RGL1: variants seen among roughly 807,000 people sequenced by gnomAD.
RGL1 encodes ral guanine nucleotide dissociation stimulator like 1, also known as ral guanine nucleotide dissociation stimulator-like 1.
RGL1 carries 24 observed loss-of-function variants against 95.2 expected under a neutral mutation model. The observed-to-expected ratio is 0.25, with a 90% CI of 0.18 to 0.35. The LOEUF (loss-of-function observed/expected upper bound fraction) is 0.35, where lower values mean the gene tolerates loss of function less well. RGL1 is among the 10% of genes least tolerant of loss of function. RGL1 has a pLI of 1.00. For synonymous variants in RGL1, 329 were observed against 344.9 expected (o/e 0.95, Z 0.51); for missense variants, 715 against 936.3 (o/e 0.76, Z 3.08).
chr1:183,751,242 C>G (rs1558187549), intron 2 of RGL1, among the ~76,000 whole-genome samples: 1 of 152,226 alleles, frequency 6.6e-6, no homozygotes, highest in African/African-American at 2.4e-5. Context: ...TGCTGCCTTT[C>G]TTTCAGAGAT....
At chr1:183,669,036 G>C (rs547016281) in intron 1 of RGL1, among the ~76,000 whole-genome samples, 1 of 145,566 alleles carries the variant, frequency 6.9e-6, no homozygotes, top group East Asian at 2.1e-4. Flanking sequence ...TCCGCCTCCC[G>C]GGTTCAAGTG....
At chr1:183,737,059 TCAAA>T (rs975641759) in intron 1 of RGL1, among the ~76,000 whole-genome samples, 4 of 152,178 alleles carry the variant, frequency 2.6e-5, no homozygotes, top group African/African-American at 9.6e-5. Flanking sequence ...AAATGATGTA[TCAAA>T]CAAAGTTCAG....
chr1:183,902,386 T>C lies in RGL1; in HGVS notation c.1318-182T>C, dbSNP rs190429515. Among the ~76,000 whole-genome samples the C allele has an allele frequency of 2.4e-3, 372 of 152,324 alleles. 2 individuals are homozygous for C. The highest frequency in any genetic ancestry group is 8.1e-3 in the African/African-American group (336 of 41,578). On this transcript the variant is annotated intron_variant, in intron 11 of 17. Transcript: ENST00000360851. ...AAGGCTTTCTGCTTATCCTGCCTTA[T>C]AATAATACTTTTTTTAAAAGCAAAA...
chr1:183,851,181 A>T (rs1664805150), intron 3 of RGL1, among the ~76,000 whole-genome samples: 1 of 152,162 alleles, frequency 6.6e-6, no homozygotes, highest in Non-Finnish European at 1.5e-5. Context: ...GTTAGGATTT[A>T]TTTTTTTACC....
chr1:183,715,975 A>G (rs1655601959), intron 1 of RGL1, among the ~76,000 whole-genome samples: 1 of 152,196 alleles, frequency 6.6e-6, no homozygotes, highest in Non-Finnish European at 1.5e-5. Context: ...AAGACAGAAG[A>G]CTAATGTTCC....
chr1:183,653,697 C>T (rs1477415400), intron 1 of RGL1, among the ~76,000 whole-genome samples: 2 of 152,190 alleles, frequency 1.3e-5, no homozygotes, highest in Non-Finnish European at 2.9e-5. Flanking sequence ...GTTTTTGATT[C>T]TGTCTAAACC....
chr1:183,672,803 A>G (rs1222821576), intron 1 of RGL1, among the ~76,000 whole-genome samples: 1 of 152,224 alleles, frequency 6.6e-6, no homozygotes, highest in Admixed American at 6.6e-5. Flanking sequence ...TGAGTGTGGT[A>G]AAATTTTATT....
chr1:183,741,675 A>G (rs1657314517), intron 1 of RGL1, among the ~76,000 whole-genome samples: 1 of 152,242 alleles, frequency 6.6e-6, no homozygotes, highest in Non-Finnish European at 1.5e-5. Flanking sequence ...TATGCCTAGC[A>G]TGGAGCCTCA....
intron 1 of RGL1, among the ~76,000 whole-genome samples, chr1:183,672,223 G>A (rs1271294868): frequency 6.6e-6 from 1 of 152,074 alleles, no homozygotes; most frequent in Non-Finnish European, 1.5e-5. Context: ...ATGAGCCATG[G>A]CGCCCAGCCC....
rs1477504929 is a variant in RGL1 at position 183,787,287 on chromosome 1, C to A, written c.133-19088C>A. Reference sequence around the variant, plus strand: ...ATTGCTTCACTAAACCCCAGCCCTACCACCTTAAAACTCTACTCACATTTT... The same window carrying A: ...ATTGCTTCACTAAACCCCAGCCCTAACACCTTAAAACTCTACTCACATTTT... On this transcript the variant is annotated intron_variant, in intron 2 of 18. Coordinates refer to the RGL1 transcript ENST00000304685. 2.6e-5 allele frequency among the ~76,000 whole-genome samples: 4 copies of A among 152,328 alleles called. No individual in the cohort carries two copies. The South Asian group carries it at 6.2e-4, about 24-fold the overall frequency.
chr1:183,647,813 A>T (rs1223715315), intron 1 of RGL1: 1 of 1,613,944 alleles, frequency 6.2e-7, no homozygotes, highest in Non-Finnish European at 8.5e-7. Flanking sequence ...ATGACATTTG[A>T]GGCATATTTA....
chr1:183,862,470 A>G (rs989916104), intron 3 of RGL1, among the ~76,000 whole-genome samples: 1 of 152,258 alleles, frequency 6.6e-6, no homozygotes, highest in African/African-American at 2.4e-5. Flanking sequence ...TCTCACTTCT[A>G]AAAGACTTCT....
chr1:183,773,878 G>A (rs1461994975), intron 2 of RGL1, among the ~76,000 whole-genome samples: 1 of 151,978 alleles, frequency 6.6e-6, no homozygotes, highest in Non-Finnish European at 1.5e-5. Flanking sequence ...ACATTGTGAT[G>A]GAAGAATCAT....
chr1:183,922,901 C>T (rs1669394870), intron 17 of RGL1, among the ~76,000 whole-genome samples: 1 of 152,138 alleles, frequency 6.6e-6, no homozygotes. Context: ...CTTCAATATG[C>T]CTGGGAACAT....
chr1:183,847,724 G>A lies in RGL1; in HGVS notation c.297G>A (p.Thr99=), dbSNP rs376059867. ...CCTATATCAGCATCTTTCTTTCAAC[G>A]TACAGAGGCTTTGCCTCCACTAAAG... ...DFTYISIFLS[T]YRGFASTKEV... is the part of the protein sequence containing the mutation. Residue 99 remains threonine, a synonymous_variant, in exon 3 of 18, where the codon ACG becomes ACA. Coordinates refer to ENST00000360851, the MANE Select transcript of RGL1 (RefSeq NM_001297671.3). 20 of 1,613,948 alleles carry A rather than the reference G, an allele frequency of 1.2e-5. No homozygotes were observed. The highest frequency in any genetic ancestry group is 1.7e-5 in the Admixed American group (1 of 59,994).
At chr1:183,835,476 T>C (rs1663582824) in intron 2 of RGL1, among the ~76,000 whole-genome samples, 1 of 152,194 alleles carries the variant, frequency 6.6e-6, no homozygotes, top group Non-Finnish European at 1.5e-5. Context: ...TAGTTTCTCA[T>C]GCAGAAGCCA....
intron 2 of RGL1, among the ~76,000 whole-genome samples, chr1:183,791,986 C>T (rs1558209362): frequency 6.6e-6 from 1 of 152,064 alleles, no homozygotes; most frequent in Non-Finnish European, 1.5e-5. Flanking sequence ...ACTTAGAAGT[C>T]GCTTTCTTCA....
chr1:183,718,372 A>T (rs1655771617), intron 1 of RGL1, among the ~76,000 whole-genome samples: 1 of 152,200 alleles, frequency 6.6e-6, no homozygotes, highest in African/African-American at 2.4e-5. Flanking sequence ...TGATATTTAA[A>T]CTATTTCAAT....
At chr1:183,785,336 G>A (rs146097463) in intron 2 of RGL1, among the ~76,000 whole-genome samples, 30 of 152,142 alleles carry the variant, frequency 2.0e-4, no homozygotes, top group African/African-American at 5.5e-4. Context: ...CCATTCCTTC[G>A]CTTGAACTGA....
Sources: gnomAD v4.1 joint callset for allele counts (sites outside exome capture counted in the v4.1 genomes callset) on GRCh38, gnomAD v4.1.1 for gene constraint, MANE v1.5 for transcripts, NCBI Gene and HGNC (gene_info 2026-07-23, HGNC 2026-07-21) for gene names.